The following PARD3B variants were observed in gnomAD, a reference collection of about 807,000 sequenced individuals.
PARD3B encodes par-3 family cell polarity regulator beta, also known as partitioning defective 3 homolog B.
In PARD3B, 103 loss-of-function variants were observed where a neutral mutation model predicts 130.2. That is an observed-to-expected ratio of 0.79 (90% CI 0.67 to 0.93). The LOEUF (loss-of-function observed/expected upper bound fraction) is 0.93, where lower values mean the gene tolerates loss of function less well. Among genes scored for constraint, PARD3B ranks in the 40% least tolerant of loss-of-function variants. PARD3B has a pLI of 0.00. For missense variants in PARD3B, 1,609 were observed against 1,499.2 expected (o/e 1.07, Z -1.21); for synonymous variants, 583 against 553.2 (o/e 1.05, Z -0.76).
At chr2:204,659,429 A>C (rs1183037467) in intron 1 of PARD3B, among the ~76,000 whole-genome samples, 1 of 152,172 alleles carries the variant, frequency 6.6e-6, no homozygotes, top group African/African-American at 2.4e-5. Context: ...GGACAGGGAA[A>C]TCAAATTCCC....
At chr2:204,798,792 G>T (rs1188942642) in intron 2 of PARD3B, among the ~76,000 whole-genome samples, 1 of 152,046 alleles carries the variant, frequency 6.6e-6, no homozygotes, top group East Asian at 1.9e-4. Flanking sequence ...GGGCCAGAAG[G>T]GAACCCGATG....
chr2:205,391,780 G>A (rs1386319986), intron 18 of PARD3B, among the ~76,000 whole-genome samples: 1 of 152,074 alleles, frequency 6.6e-6, no homozygotes, highest in Non-Finnish European at 1.5e-5. Context: ...TACCTTATTA[G>A]TATCTTTATC....
chr2:204,652,809 CTTA>C (rs2035524535), intron 1 of PARD3B, among the ~76,000 whole-genome samples: 1 of 147,520 alleles, frequency 6.8e-6, no homozygotes, highest in Non-Finnish European at 1.5e-5. Context: ...ACTCAGGGAA[CTTA>C]CAACCATGGT....
intron 15 of PARD3B, among the ~76,000 whole-genome samples, chr2:205,218,915 A>G (rs2038089817): frequency 6.6e-6 from 1 of 152,106 alleles, no homozygotes; most frequent in African/African-American, 2.4e-5. Flanking sequence ...CTCCATCTCC[A>G]CTAAAAATAC....
intron 1 of PARD3B, among the ~76,000 whole-genome samples, chr2:204,555,716 C>A (rs891065578): frequency 6.6e-6 from 1 of 152,218 alleles, no homozygotes; most frequent in Non-Finnish European, 1.5e-5. Flanking sequence ...CTGTCTCAGT[C>A]ACACTGATCG....
chr2:205,213,595 A>G (rs1008167777), intron 15 of PARD3B, among the ~76,000 whole-genome samples: 1 of 152,214 alleles, frequency 6.6e-6, no homozygotes, highest in African/African-American at 2.4e-5. Context: ...GATTGAATAA[A>G]TAAAAGTAGA....
chr2:204,579,520 G>A (rs541795133), intron 1 of PARD3B, among the ~76,000 whole-genome samples: 9 of 152,296 alleles, frequency 5.9e-5, no homozygotes, highest in Non-Finnish European at 1.2e-4. Context: ...AACTGGCTCT[G>A]TTCTACTCAG....
chr2:205,320,592 ACTAT>A (rs1302222556), intron 18 of PARD3B, among the ~76,000 whole-genome samples: 9 of 152,228 alleles, frequency 5.9e-5, no homozygotes, highest in African/African-American at 2.2e-4. Context: ...GTCATTAACA[ACTAT>A]CAATAGAGAG....
rs945468444 is a variant in PARD3B, at chr2:205,183,502, T to C, written c.1925-2262T>C. ...CCTGACTGCTGCCACCACTAACAAA[T>C]CAATGGGCCCCTAGGGTTGGAGGTG... On this transcript the variant is annotated intron_variant, in intron 13 of 22. Coordinates refer to ENST00000406610, the MANE Select transcript of PARD3B (RefSeq NM_001302769.2). This position sits in a 1 kb window ranked among gnomAD's most constrained non-coding sequence, Gnocchi z 5.2. Among the ~76,000 whole-genome samples the C allele has an allele frequency of 4.6e-5, 7 of 152,154 alleles. No homozygotes were observed. In the East Asian group the frequency reaches 1.4e-3, roughly 29 times the overall value.
At chr2:205,410,982 C>CTT (rs919829048) in intron 19 of PARD3B, among the ~76,000 whole-genome samples, 1 of 152,116 alleles carries the variant, frequency 6.6e-6, no homozygotes, top group African/African-American at 2.4e-5. Context: ...TTTGAATATG[C>CTT]TTTTTCTGCA....
chr2:204,738,751 C>G (rs2039867467), intron 2 of PARD3B, among the ~76,000 whole-genome samples: 1 of 152,134 alleles, frequency 6.6e-6, no homozygotes, highest in Non-Finnish European at 1.5e-5. Flanking sequence ...GAGGGTGCCC[C>G]AATTCTCTCT....
intron 20 of PARD3B, among the ~76,000 whole-genome samples, chr2:205,450,806 T>C (rs1337068962): frequency 1.3e-5 from 2 of 152,188 alleles, no homozygotes; most frequent in Non-Finnish European, 2.9e-5. Flanking sequence ...ATCAGTCATA[T>C]CATCTGCATA....
chr2:205,175,688 C>T (rs1480155333), intron 12 of PARD3B, among the ~76,000 whole-genome samples: 8 of 152,026 alleles, frequency 5.3e-5, no homozygotes, highest in Non-Finnish European at 8.8e-5. Context: ...ACAAATAATA[C>T]GAACAAGAGC....
chr2:204,859,373 C>T (rs1055149904), intron 2 of PARD3B, among the ~76,000 whole-genome samples: 2 of 151,964 alleles, frequency 1.3e-5, no homozygotes, highest in African/African-American at 2.4e-5. Flanking sequence ...GCCATATACC[C>T]CAACATCAAG....
rs1317911682 is a variant in PARD3B at position 205,091,266 on chromosome 2, A to G, written c.505-13160A>G. On this transcript the variant is annotated intron_variant, in intron 4 of 22. Coordinates refer to ENST00000406610, the MANE Select transcript of PARD3B (RefSeq NM_001302769.2). The surrounding 1 kb of genome is among the most constrained non-coding windows in gnomAD (Gnocchi z 4.2). ...ACATTTGAAATCATATACACATACT[A>G]CATGTAAGCCAAAGGCCCAGAGCTT... Among the ~76,000 whole-genome samples, 1 of 152,224 alleles carries G rather than the reference A, an allele frequency of 6.6e-6. No individual in the cohort carries two copies. The highest frequency in any genetic ancestry group is 2.4e-5 in the African/African-American group (1 of 41,454).
chr2:204,729,867 G>T (rs1019013858), intron 2 of PARD3B, among the ~76,000 whole-genome samples: 1 of 151,908 alleles, frequency 6.6e-6, no homozygotes, highest in Non-Finnish European at 1.5e-5. Flanking sequence ...CTCTGAAAAA[G>T]TGAATAAATT....
chr2:205,198,201 C>T (rs761086757), intron 15 of PARD3B, among the ~76,000 whole-genome samples: 6 of 152,142 alleles, frequency 3.9e-5, no homozygotes, highest in Non-Finnish European at 7.3e-5. Flanking sequence ...TGGCCTCCCA[C>T]GCCCATTTCA....
chr2:205,298,855 ACAG>A (rs755639438), intron 16 of PARD3B, among the ~76,000 whole-genome samples: 27 of 152,240 alleles, frequency 1.8e-4, no homozygotes, highest in Non-Finnish European at 3.1e-4. Context: ...TACATGGTAC[ACAG>A]CAGAAAAGCT....
chr2:205,205,533 A>C (rs531776483), intron 15 of PARD3B, among the ~76,000 whole-genome samples: 1 of 152,294 alleles, frequency 6.6e-6, no homozygotes, highest in East Asian at 1.9e-4. Flanking sequence ...CAGTTTTCAA[A>C]GGGAATGCTT....
Sources: gnomAD v4.1 joint callset for allele counts (sites outside exome capture counted in the v4.1 genomes callset) on GRCh38, gnomAD v4.1.1 for gene constraint, Gnocchi (gnomAD v3.1) non-coding constraint, MANE v1.5 for transcripts, NCBI Gene and HGNC (gene_info 2026-07-23, HGNC 2026-07-21) for gene names.